The following DIAPH3 variants were observed in gnomAD, a reference collection of about 807,000 sequenced individuals.
DIAPH3 encodes the protein protein diaphanous homolog 3.
Under a neutral mutation model 144.3 loss-of-function variants are expected in DIAPH3, and 117 were observed. That is an observed-to-expected ratio of 0.81 (90% CI 0.70 to 0.95). The LOEUF (loss-of-function observed/expected upper bound fraction) is 0.95. Among genes scored for constraint, DIAPH3 ranks in the 40% least tolerant of loss-of-function variants. The pLI, the probability that DIAPH3 is intolerant of heterozygous loss-of-function variation, is 0.00. For synonymous variants in DIAPH3, 519 were observed against 488.9 expected (o/e 1.06, Z -0.81); for missense variants, 1,421 against 1,412.7 (o/e 1.01, Z -0.09).
intron 17 of DIAPH3, among the ~76,000 whole-genome samples, chr13:59,949,820 C>A (rs2049008293): frequency 6.6e-6 from 1 of 152,158 alleles, no homozygotes; most frequent in Non-Finnish European, 1.5e-5. Flanking sequence ...TCTACAGACA[C>A]CAGCTTGATT....
chr13:59,669,858 C>T (rs1010341657), intron 27 of DIAPH3, among the ~76,000 whole-genome samples: 7 of 152,100 alleles, frequency 4.6e-5, no homozygotes, highest in African/African-American at 1.4e-4. Context: ...TCTCTTGAAC[C>T]CACTCCAATC....
At chr13:59,949,232 T>C (rs1442882666) in intron 17 of DIAPH3, among the ~76,000 whole-genome samples, 1 of 152,200 alleles carries the variant, frequency 6.6e-6, no homozygotes, top group Non-Finnish European at 1.5e-5. Context: ...TTTGATTAAA[T>C]GGCACCTAGC....
At chr13:60,000,511 A>G (rs993482810) in intron 9 of DIAPH3, among the ~76,000 whole-genome samples, 2 of 152,200 alleles carry the variant, frequency 1.3e-5, no homozygotes, top group Non-Finnish European at 2.9e-5. Flanking sequence ...CTAGATAATC[A>G]TAACAAGTAG....
chr13:59,853,587 T>C (rs1377199436), intron 22 of DIAPH3, among the ~76,000 whole-genome samples: 1 of 152,064 alleles, frequency 6.6e-6, no homozygotes, highest in Admixed American at 6.5e-5. Context: ...GTTTTCTGAG[T>C]CCTCCCCAGC....
chr13:59,816,212 T>C (rs933932204), intron 24 of DIAPH3, among the ~76,000 whole-genome samples: 4 of 152,092 alleles, frequency 2.6e-5, no homozygotes, highest in East Asian at 1.9e-4. Flanking sequence ...AAATACATTT[T>C]TGTATTCCAT....
chr13:59,999,242 CTCACT>C (rs1391377252), intron 9 of DIAPH3, among the ~76,000 whole-genome samples: 1 of 152,054 alleles, frequency 6.6e-6, no homozygotes, highest in Non-Finnish European at 1.5e-5. Context: ...GTGATTATCC[CTCACT>C]TAAGAAAGGT....
At chr13:59,710,469 G>A (rs905189912) in intron 27 of DIAPH3, among the ~76,000 whole-genome samples, 5 of 152,018 alleles carry the variant, frequency 3.3e-5, no homozygotes, top group Non-Finnish European at 7.4e-5. Flanking sequence ...AGTAGATTAG[G>A]GATATTTTAA....
intron 25 of DIAPH3, among the ~76,000 whole-genome samples, chr13:59,804,080 C>T (rs1398704317): frequency 6.6e-6 from 1 of 152,192 alleles, no homozygotes; most frequent in Non-Finnish European, 1.5e-5. Context: ...AAGTACTGAA[C>T]ACATTTCTAC....
intron 4 of DIAPH3, among the ~76,000 whole-genome samples, chr13:60,091,070 G>A (rs2057912681): frequency 6.6e-6 from 1 of 152,030 alleles, no homozygotes; most frequent in Non-Finnish European, 1.5e-5. Flanking sequence ...ATCATGCCAA[G>A]GTTTTCTAAA....
intron 24 of DIAPH3, among the ~76,000 whole-genome samples, chr13:59,831,119 A>G (rs975753005): frequency 2.0e-5 from 3 of 151,868 alleles, no homozygotes; most frequent in African/African-American, 7.2e-5. Flanking sequence ...GCCATAGAAG[A>G]ACTGTGTGGC....
intron 24 of DIAPH3, among the ~76,000 whole-genome samples, chr13:59,821,264 A>C (rs993508944): frequency 6.6e-6 from 1 of 152,092 alleles, no homozygotes; most frequent in African/African-American, 2.4e-5. Flanking sequence ...TAATTTTCTC[A>C]GAGTAAACAA....
At chr13:59,826,463 C>A (rs1170023147) in intron 24 of DIAPH3, among the ~76,000 whole-genome samples, 1 of 150,940 alleles carries the variant, frequency 6.6e-6, no homozygotes, top group Non-Finnish European at 1.5e-5. Context: ...GCCTAGGAAT[C>A]CAGCTTACAA....
intron 27 of DIAPH3, among the ~76,000 whole-genome samples, chr13:59,710,958 A>T (rs1009092506): frequency 1.3e-5 from 2 of 152,236 alleles, no homozygotes; most frequent in African/African-American, 4.8e-5. Flanking sequence ...AAACACTCAG[A>T]GGATGTAACT....
intron 5 of DIAPH3, among the ~76,000 whole-genome samples, chr13:60,037,673 G>A (rs1450603856): frequency 3.3e-5 from 5 of 151,728 alleles, no homozygotes; most frequent in African/African-American, 1.2e-4. Context: ...GAAATGAGGA[G>A]GAGCAGGAGC....
rs145782451 is a variant in DIAPH3 at position 59,792,454 on chromosome 13, A to C, written c.3164-17631T>G. 2.3e-3 allele frequency among the ~76,000 whole-genome samples: 347 copies of C among 152,310 alleles called. 1 individual carries two copies. The highest frequency in any genetic ancestry group is 3.8e-3 in the Admixed American group (58 of 15,306). On this transcript the variant is annotated intron_variant, in intron 25 of 27. Coordinates refer to ENST00000400324, the MANE Select transcript of DIAPH3 (RefSeq NM_001042517.2). ...CTCTGCCATCATCTTGTGAGAATTCAGTTTAATGTTAATATCTAATCCAAC... is the reference window on the plus strand; with the variant it reads ...CTCTGCCATCATCTTGTGAGAATTCCGTTTAATGTTAATATCTAATCCAAC...
At chr13:60,029,086 C>T (rs1380301983) in intron 5 of DIAPH3, among the ~76,000 whole-genome samples, 8 of 151,168 alleles carry the variant, frequency 5.3e-5, no homozygotes, top group African/African-American at 1.9e-4. Context: ...TTTTTTTCTT[C>T]TCCAAAATTC....
At chr13:60,163,502 C>T in intron 1 of DIAPH3, 85 bp downstream of exon 1, 1 of 1,554,254 alleles carries the variant, frequency 6.4e-7, no homozygotes, top group Non-Finnish European at 8.7e-7. Flanking sequence ...AAAACTTGGT[C>T]CCCAAGTTCT....
intron 1 of DIAPH3, among the ~76,000 whole-genome samples, chr13:60,154,255 A>G (rs941581213): frequency 6.6e-6 from 1 of 152,208 alleles, no homozygotes; most frequent in Non-Finnish European, 1.5e-5. Context: ...ATATTTCCAT[A>G]GAGGTTACAA....
chr13:59,857,009 AC>A (rs2043297084), intron 22 of DIAPH3, among the ~76,000 whole-genome samples: 1 of 152,250 alleles, frequency 6.6e-6, no homozygotes, highest in East Asian at 1.9e-4. Context: ...TACAACCTCC[AC>A]GACATAATGA....
Sources: gnomAD v4.1 joint callset for allele counts (sites outside exome capture counted in the v4.1 genomes callset) on GRCh38, gnomAD v4.1.1 for gene constraint, MANE v1.5 for transcripts, NCBI Gene and HGNC (gene_info 2026-07-23, HGNC 2026-07-21) for gene names.